TMEM229B: variants seen among roughly 807,000 people sequenced by gnomAD.
TMEM229B encodes the protein transmembrane protein 229B, also known as chromosome 14 open reading frame 83.
TMEM229B carries 6 observed loss-of-function variants against 13.7 expected under a neutral mutation model. The ratio of observed to expected loss-of-function variants is 0.44; its 90% CI spans 0.24 to 0.86. TMEM229B has a LOEUF of 0.86. Among genes scored for constraint, TMEM229B ranks in the 40% least tolerant of loss-of-function variants. The pLI, the probability that TMEM229B is intolerant of heterozygous loss-of-function variation, is 0.23. For missense variants in TMEM229B, 170 were observed against 236.0 expected, an observed-to-expected ratio of 0.72 and a Z score of 1.83; for synonymous variants, 107 against 102.1, an observed-to-expected ratio of 1.05 and a Z score of -0.29.
upstream of TMEM229B, among the ~76,000 whole-genome samples, chr14:67,493,504 G>A (rs542565695): frequency 5.9e-5 from 9 of 152,276 alleles, no homozygotes; most frequent in East Asian, 7.7e-4. Context: ...GACACAGGCC[G>A]CACCCTTCTG....
chr14:67,489,612 C>T (rs993101277), upstream of TMEM229B, among the ~76,000 whole-genome samples: 1 of 152,192 alleles, frequency 6.6e-6, no homozygotes, highest in African/African-American at 2.4e-5. Context: ...CGATGCCGTC[C>T]CACAACCTCC....
At chr14:67,511,515 A>T (rs1159803476) in intron 1 of TMEM229B, among the ~76,000 whole-genome samples, 1 of 152,160 alleles carries the variant, frequency 6.6e-6, no homozygotes, top group East Asian at 1.9e-4. Context: ...CCCGAAAAAA[A>T]TATTAAACTC....
At chr14:67,479,779 A>C (rs1424030996) in intron 2 of TMEM229B, among the ~76,000 whole-genome samples, 1 of 152,222 alleles carries the variant, frequency 6.6e-6, no homozygotes, top group Non-Finnish European at 1.5e-5. Flanking sequence ...TACCTCGTGT[A>C]TAGAAGGTGT....
intron 2 of TMEM229B, among the ~76,000 whole-genome samples, chr14:67,479,092 T>C (rs1566674623): frequency 5.9e-5 from 9 of 152,236 alleles, no homozygotes. Context: ...ATAACTTTTA[T>C]AAAACTAAAA....
chr14:67,524,922 G>A (rs190839066), intron 1 of TMEM229B, among the ~76,000 whole-genome samples: 5 of 152,260 alleles, frequency 3.3e-5, no homozygotes, highest in East Asian at 1.9e-4. Context: ...AACTCAAAAC[G>A]TTGGCATTAA....
At chr14:67,523,694 T>C (rs2033323667) in intron 1 of TMEM229B, among the ~76,000 whole-genome samples, 1 of 152,264 alleles carries the variant, frequency 6.6e-6, no homozygotes. Flanking sequence ...GGCTCAAGAT[T>C]GACCAGCATT....
intron 1 of TMEM229B, among the ~76,000 whole-genome samples, chr14:67,507,794 A>G (rs183733489): frequency 1.7e-4 from 26 of 152,288 alleles, no homozygotes; most frequent in African/African-American, 3.8e-4. Flanking sequence ...AATGGTGAGT[A>G]TAAGGGTGTA....
At position 67,473,895 on chromosome 14, in the gene TMEM229B, A is replaced by C. The variant is rs1469218586; in HGVS notation, c.29T>G (p.Leu10Arg). Residue 10 changes from leucine (L) to arginine (R), a missense_variant, in exon 3 of 3, where the codon CTG (leucine) becomes CGG (arginine). Physicochemically the swap from Leu to Arg is moderately radical, Grantham distance 102. Around this residue, in one of 4 missense-constraint regions of TMEM229B, gnomAD observed 36 missense variants for 83.8 expected, o/e 0.43. Transcript: ENST00000554480. The surrounding 1 kb of genome is among the most constrained non-coding windows in gnomAD (Gnocchi z 6.5). MASAEPLTALSRWYLYAIHG... is the reference protein window; with the variant it reads MASAEPLTARSRWYLYAIHG... ...GATGGCATACAGGTACCAGCGGGAC[A>C]GCGCCGTCAGGGGCTCGGCAGACGC... 2 of 1,608,770 alleles carry C rather than the reference A, an allele frequency of 1.2e-6. No homozygotes were observed. The highest frequency in any genetic ancestry group is 1.7e-6 in the Non-Finnish European group (2 of 1,177,786).
chr14:67,499,045 C>T (rs1159297539), intron 1 of TMEM229B, among the ~76,000 whole-genome samples: 2 of 151,754 alleles, frequency 1.3e-5, no homozygotes, highest in African/African-American at 4.8e-5. Flanking sequence ...CTCTGTTGCC[C>T]AGGCTGGAGT....
intron 1 of TMEM229B, among the ~76,000 whole-genome samples, chr14:67,512,580 G>A (rs539455974): frequency 1.9e-4 from 29 of 152,266 alleles, no homozygotes; most frequent in African/African-American, 6.5e-4. Flanking sequence ...AAACAGCCAG[G>A]CTCTGGGAGG....
chr14:67,477,649 G>T (rs1481666703), intron 2 of TMEM229B, among the ~76,000 whole-genome samples: 4 of 152,152 alleles, frequency 2.6e-5, no homozygotes, highest in African/African-American at 9.7e-5. Context: ...CCATGGGCAG[G>T]TGTGGTGGCT....
At position 67,480,064 on chromosome 14, in the gene TMEM229B, A is replaced by G. The variant is rs2031489480; in HGVS notation, c.-18-6123T>C. Among the ~76,000 whole-genome samples, 8 of 152,346 alleles carry G rather than the reference A, an allele frequency of 5.3e-5. No homozygotes were observed. The South Asian group carries it at 1.7e-3, about 32-fold the overall frequency. On this transcript the variant is annotated intron_variant, in intron 2 of 2. Transcript: ENST00000554480. The stretch of plus-strand genomic sequence containing the variant: ...TGAGGATAACGGAAGTAATGACCAC[A>G]GAAGGCTGTTGTGAGGACGAATGAA...
At chr14:67,517,577 G>A (rs993000946), upstream of TMEM229B, among the ~76,000 whole-genome samples, 13 of 152,160 alleles carry the variant, frequency 8.5e-5, no homozygotes, top group South Asian at 2.1e-4. Flanking sequence ...TCAGAAAGAA[G>A]GGTTAAGATC....
chr14:67,497,937 A>G (rs777215076), intron 1 of TMEM229B, among the ~76,000 whole-genome samples: 12 of 152,046 alleles, frequency 7.9e-5, no homozygotes, highest in Non-Finnish European at 1.6e-4. Context: ...ATATTAGAAT[A>G]CATAATGATG....
chr14:67,526,970 A>T (rs190151899), intron 1 of TMEM229B, among the ~76,000 whole-genome samples: 173 of 152,186 alleles, frequency 1.1e-3, no homozygotes, highest in Admixed American at 1.8e-3. Flanking sequence ...GAGATAATAG[A>T]CCTATTGGTT....
intron 1 of TMEM229B, among the ~76,000 whole-genome samples, chr14:67,495,511 T>TCACTCTTGTTGCCCAGGCTGGAGTGC (rs2032331797): frequency 6.6e-6 from 1 of 152,040 alleles, no homozygotes; most frequent in Non-Finnish European, 1.5e-5. Context: ...AGATGGAGTT[T>TCACTCTTGTTGCCCAGGCTGGAGTGC]CACTCTTGTT....
At chr14:67,506,777 A>C (rs1373026167) in intron 1 of TMEM229B, among the ~76,000 whole-genome samples, 2 of 152,182 alleles carry the variant, frequency 1.3e-5, no homozygotes, top group East Asian at 3.9e-4. Context: ...TGAAGTAAAG[A>C]GATCGAGACC....
chr14:67,473,882 G>A lies in TMEM229B; in HGVS notation c.42C>T (p.Tyr14=), dbSNP rs2030970473. 6.2e-7 allele frequency: 1 copy of A among 1,610,878 alleles called. No individual in the cohort carries two copies. The highest frequency in any genetic ancestry group is 1.3e-5 in the African/African-American group (1 of 74,906). The change falls in exon 3 of 3, where the codon TAC becomes TAT. Residue 14 remains tyrosine (Y), a synonymous_variant. Coordinates refer to ENST00000554480, the MANE Select transcript of TMEM229B (RefSeq NM_001348543.2). The surrounding 1 kb of genome is among the most constrained non-coding windows in gnomAD (Gnocchi z 6.5). ...AEPLTALSRW[Y]LYAIHGYFCE... ...AGAAGTAGCCGTGGATGGCATACAG[G>A]TACCAGCGGGACAGCGCCGTCAGGG...
In TMEM229B at chr14:67,471,956, AGT is replaced by A. The variant is rs1462806323; in HGVS notation, c.*1462_*1463del. ...TTCTAACGGACCCTTCCCCTTGAGG[AGT>A]GAGAGTCAGAGCCGGAAGTAGGCTG... On this transcript the variant is annotated 3_prime_UTR_variant, in exon 3 of 3. Coordinates refer to ENST00000554480, the MANE Select transcript of TMEM229B (RefSeq NM_001348543.2). The A allele has an allele frequency of 6.6e-6, 1 of 152,290 alleles. No homozygotes were observed. The highest frequency in any genetic ancestry group is 1.5e-5 in the Non-Finnish European group (1 of 68,070). 9.4% of individuals were successfully genotyped at this position (152,290 alleles called of 1,614,324 possible). A position where few individuals can be genotyped will look rare whatever the true frequency, so the allele number is the denominator to read the frequency against.
Sources: allele counts gnomAD v4.1 joint callset (sites outside exome capture counted in the v4.1 genomes callset), GRCh38; gene constraint gnomAD v4.1.1; regional missense constraint gnomAD v4.1.1; non-coding constraint Gnocchi (gnomAD v3.1); transcripts MANE v1.5; gene names NCBI Gene and HGNC (gene_info 2026-07-23, HGNC 2026-07-21).